Variants in CNTN4 observed in about 807,000 individuals in gnomAD.
CNTN4 encodes contactin-4.
A neutral mutation model predicts 122.5 loss-of-function variants in CNTN4; 77 were observed. That is an observed-to-expected ratio of 0.63 (90% CI 0.52 to 0.76). The LOEUF (loss-of-function observed/expected upper bound fraction) is 0.76, where lower values mean the gene tolerates loss of function less well. CNTN4 is among the 30% of genes least tolerant of loss of function. The probability of loss-of-function intolerance (pLI) is 0.00; values close to 1 mark genes in which losing one functional copy is unlikely to be tolerated. For missense variants in CNTN4, 1,256 were observed against 1,259.1 expected, an observed-to-expected ratio of 1.00 and a Z score of 0.04; for synonymous variants, 512 against 447.0, an observed-to-expected ratio of 1.15 and a Z score of -1.83.
At chr3:2,181,136 TAC>T (rs1251539968) in intron 2 of CNTN4, among the ~76,000 whole-genome samples, 1 of 152,076 alleles carries the variant, frequency 6.6e-6, no homozygotes, top group Non-Finnish European at 1.5e-5. Context: ...CAGCATGACC[TAC>T]AAAAAATTAT....
At chr3:2,847,166 C>CAAAAA (rs11456371) in intron 7 of CNTN4, among the ~76,000 whole-genome samples, 5 of 144,178 alleles carry the variant, frequency 3.5e-5, no homozygotes, top group Non-Finnish European at 7.6e-5. Flanking sequence ...GCAAATGTTG[C>CAAAAA]AAAAAAAAAA....
At chr3:2,951,599 A>G (rs1454807987) in intron 13 of CNTN4, among the ~76,000 whole-genome samples, 5 of 152,226 alleles carry the variant, frequency 3.3e-5, no homozygotes, top group South Asian at 2.1e-4. Flanking sequence ...TTGGTAATAC[A>G]TAGATATTTA....
intron 2 of CNTN4, among the ~76,000 whole-genome samples, chr3:2,290,695 T>A (rs1458174725): frequency 6.6e-6 from 1 of 152,180 alleles, no homozygotes; most frequent in Non-Finnish European, 1.5e-5. Flanking sequence ...TTGTGTATTG[T>A]TGCGAGGGAA....
intron 3 of CNTN4, among the ~76,000 whole-genome samples, chr3:2,366,001 T>C (rs1559489926): frequency 6.6e-6 from 1 of 152,222 alleles, no homozygotes; most frequent in Non-Finnish European, 1.5e-5. Flanking sequence ...TCAAAGCATT[T>C]ATTTATCCTT....
chr3:2,955,078 G>A (rs17023434), intron 13 of CNTN4, among the ~76,000 whole-genome samples: 16,883 of 152,074 alleles, frequency 0.11, 1,071 homozygotes, highest in African/African-American at 0.16. Context: ...AGCAGAAATA[G>A]TCAAGAGGGC....
chr3:2,878,226 C>G (rs192622623), intron 8 of CNTN4, among the ~76,000 whole-genome samples: 1 of 152,292 alleles, frequency 6.6e-6, no homozygotes, highest in Non-Finnish European at 1.5e-5. Flanking sequence ...CCAGAAATCA[C>G]TCACTCTGTG....
rs923268605 is a variant in CNTN4, at chr3:2,914,404, G to A, written c.1208-11225G>A. Among the ~76,000 whole-genome samples, 14 of 152,206 alleles carry A rather than the reference G, an allele frequency of 9.2e-5. No individual in the cohort carries two copies. The East Asian group carries it at 1.5e-3, about 17-fold the overall frequency. On this transcript the variant is annotated intron_variant, in intron 12 of 24. Transcript: ENST00000418658. ...AAAGATCAACCAAATTGACAAACCC[G>A]TAGTAGACTGAGAAAAGAGTGTACT...
chr3:2,431,751 A>C (rs1038833328), intron 3 of CNTN4, among the ~76,000 whole-genome samples: 1 of 152,218 alleles, frequency 6.6e-6, no homozygotes, highest in African/African-American at 2.4e-5. Context: ...TTATGTAGGA[A>C]AAGTACAGGA....
At chr3:2,693,166 A>G (rs2085836699) in intron 4 of CNTN4, among the ~76,000 whole-genome samples, 1 of 152,110 alleles carries the variant, frequency 6.6e-6, no homozygotes, top group African/African-American at 2.4e-5. Flanking sequence ...TTAGTATTTG[A>G]TATTTGGTTT....
At chr3:2,249,996 A>C (rs1211015339) in intron 2 of CNTN4, among the ~76,000 whole-genome samples, 2 of 151,878 alleles carry the variant, frequency 1.3e-5, no homozygotes, top group African/African-American at 4.8e-5. Context: ...AAAATAAGAA[A>C]GCTCTTAGAA....
intron 2 of CNTN4, among the ~76,000 whole-genome samples, chr3:2,229,380 G>A (rs2039401610): frequency 6.6e-6 from 1 of 152,114 alleles, no homozygotes; most frequent in Non-Finnish European, 1.5e-5. Context: ...GCTTCCTGAA[G>A]TCCAGTGTTA....
intron 2 of CNTN4, among the ~76,000 whole-genome samples, chr3:2,338,151 G>T (rs371390551): frequency 1.3e-5 from 2 of 152,000 alleles, no homozygotes; most frequent in Non-Finnish European, 2.9e-5. Context: ...AGAAAGGTCA[G>T]GGATTATTTT....
chr3:2,868,405 G>A (rs1331721532), intron 8 of CNTN4, among the ~76,000 whole-genome samples: 2 of 152,080 alleles, frequency 1.3e-5, no homozygotes, highest in Admixed American at 6.6e-5. Flanking sequence ...CCTCTTATCT[G>A]AATTTATACA....
At chr3:3,038,119 G>C (rs1699781308) in intron 18 of CNTN4, among the ~76,000 whole-genome samples, 1 of 152,164 alleles carries the variant, frequency 6.6e-6, no homozygotes, top group African/African-American at 2.4e-5. Context: ...TAACCAAGGA[G>C]ACATACCCAG....
chr3:2,314,646 A>G (rs936605519), intron 2 of CNTN4, among the ~76,000 whole-genome samples: 6 of 151,980 alleles, frequency 3.9e-5, no homozygotes, highest in Admixed American at 1.3e-4. Flanking sequence ...GGATAAGGTG[A>G]GCCTTTCTTT....
At chr3:2,605,357 G>A (rs1296250439) in intron 4 of CNTN4, among the ~76,000 whole-genome samples, 1 of 152,170 alleles carries the variant, frequency 6.6e-6, no homozygotes, top group Non-Finnish European at 1.5e-5. Context: ...GTTAGGAGGT[G>A]GGAGAAGGGG....
chr3:2,471,025 G>C (rs1559582777), intron 3 of CNTN4, among the ~76,000 whole-genome samples: 2 of 152,140 alleles, frequency 1.3e-5, no homozygotes, highest in Non-Finnish European at 2.9e-5. Context: ...ATACATTATT[G>C]GTTGAATTAA....
chr3:2,551,274 T>C lies in CNTN4; in HGVS notation c.-88-20142T>C, dbSNP rs537937842. On this transcript the variant is annotated intron_variant, in intron 3 of 24. Transcript: ENST00000418658. ...ATGGTATGGTTTTTTTGAGGTCTAA[T>C]GCAATATTTTGAATAGAGAAGAATG... 2.6e-5 allele frequency among the ~76,000 whole-genome samples: 4 copies of C among 152,174 alleles called. No individual in the cohort carries two copies. In the East Asian group the frequency reaches 7.8e-4, roughly 30 times the overall value.
At chr3:2,747,983 A>G (rs960462299) in intron 6 of CNTN4, among the ~76,000 whole-genome samples, 9 of 152,232 alleles carry the variant, frequency 5.9e-5, no homozygotes, top group Admixed American at 6.5e-5. Context: ...AGATATGATC[A>G]TGTCCCTTGT....
Sources: allele counts gnomAD v4.1 joint callset (sites outside exome capture counted in the v4.1 genomes callset), GRCh38; gene constraint gnomAD v4.1.1; transcripts MANE v1.5; gene names NCBI Gene and HGNC (gene_info 2026-07-23, HGNC 2026-07-21).